ZNF304: variants seen among roughly 807,000 people sequenced by gnomAD.
The protein encoded by ZNF304 is KRAB-containing zinc finger protein.
In ZNF304, 7 loss-of-function variants were observed where a neutral mutation model predicts 7.8. That is an observed-to-expected ratio of 0.90 (90% confidence interval 0.51 to 1.69). ZNF304 has a LOEUF of 1.69. Ranked by LOEUF, ZNF304 falls within the 40% of genes most tolerant of loss-of-function variation. The probability of loss-of-function intolerance (pLI) is 0.00; values close to 1 mark genes in which losing one functional copy is unlikely to be tolerated. For missense variants in ZNF304, 669 were observed against 804.8 expected, an observed-to-expected ratio of 0.83 and a Z score of 2.04; for synonymous variants, 280 against 272.4, an observed-to-expected ratio of 1.03 and a Z score of -0.27.
Position 57,355,357 on chromosome 19 carries a change from A to T in ZNF304, c.161-673A>T, listed in dbSNP as rs754587594. On this transcript the variant is annotated intron_variant, in intron 2 of 2. Coordinates refer to ENST00000282286, the MANE Select transcript of ZNF304 (RefSeq NM_020657.4). Reference sequence around the variant, plus strand: ...TGACAGGGCAGACATCACTGCAGCCACAGTAAAGGAGACCTACAGAGGGCA... The same window carrying T: ...TGACAGGGCAGACATCACTGCAGCCTCAGTAAAGGAGACCTACAGAGGGCA... 12 of 765,350 alleles carry T rather than the reference A, an allele frequency of 1.6e-5. No individual in the cohort carries two copies. The South Asian group carries it at 1.6e-4, about 10-fold the overall frequency. 47.4% of individuals were successfully genotyped at this position (765,350 alleles called of 1,614,324 possible).
At position 57,359,199 on chromosome 19, in the gene ZNF304, G is replaced by C. The variant is rs2088390396; in HGVS notation, c.*1350G>C. On this transcript the variant is annotated 3_prime_UTR_variant, in exon 3 of 3. Transcript: ENST00000282286. ...TCTCCCTGGGCAGTTGACCTGCACAGACAGGAACCTCAGCAGTGACAGAAG... is the reference window on the plus strand; with the variant it reads ...TCTCCCTGGGCAGTTGACCTGCACACACAGGAACCTCAGCAGTGACAGAAG... 6.6e-6 allele frequency: 1 copy of C among 152,214 alleles called. No homozygotes were observed. The highest frequency in any genetic ancestry group is 2.4e-5 in the African/African-American group (1 of 41,458). 9.4% of individuals were successfully genotyped at this position (152,214 alleles called of 1,614,324 possible).
rs2088370169 is a variant in ZNF304, at chr19:57,357,940, T to A, written c.*91T>A. The A allele has an allele frequency of 6.8e-7, 1 of 1,465,318 alleles. No individual in the cohort carries two copies. Among genetic ancestry groups the A allele is most frequent in the Non-Finnish European group, 9.1e-7 (1 of 1,093,704 alleles). 90.8% of individuals were successfully genotyped at this position (1,465,318 alleles called of 1,614,324 possible). A position where few individuals can be genotyped will look rare whatever the true frequency, so the allele number is the denominator to read the frequency against. On this transcript the variant is annotated 3_prime_UTR_variant, in exon 3 of 3. Coordinates refer to ENST00000282286, the MANE Select transcript of ZNF304 (RefSeq NM_020657.4). Reference sequence around the variant, plus strand: ...CATAGGACTCACACCAGAGCAATGCTCTGTGAGTACCCTTTGTGAGGGAAC... The same window carrying A: ...CATAGGACTCACACCAGAGCAATGCACTGTGAGTACCCTTTGTGAGGGAAC...
chr19:57,357,468 C>T lies in ZNF304; in HGVS notation c.1599C>T (p.Cys533=). ...RIHTGAKPYE[C]NECGKCFSHN... is the part of the protein sequence containing the mutation. ...ACACTGGAGCAAAGCCTTATGAGTG[C>T]AATGAATGTGGGAAATGCTTTAGCC... The change falls in exon 3 of 3, where the codon TGC becomes TGT. Residue 533 remains cysteine, a synonymous_variant. Coordinates refer to ENST00000282286, the MANE Select transcript of ZNF304 (RefSeq NM_020657.4). 6.2e-7 allele frequency: 1 copy of T among 1,614,064 alleles called. No homozygotes were observed. Among genetic ancestry groups the T allele is most frequent in the Non-Finnish European group, 8.5e-7 (1 of 1,179,960 alleles).
At position 57,357,903 on chromosome 19, in the gene ZNF304, C is replaced by T; in HGVS notation, c.*54C>T. 3 of 1,537,710 alleles carry T rather than the reference C, an allele frequency of 2.0e-6. No individual in the cohort carries two copies. The highest frequency in any genetic ancestry group is 2.6e-6 in the Non-Finnish European group (3 of 1,147,140). The stretch of plus-strand genomic sequence containing the variant: ...CTTATGAATGCAGAAAATATGTCAT[C>T]TTGTTCATCCTCATAGGACTCACAC... On this transcript the variant is annotated 3_prime_UTR_variant, in exon 3 of 3. Transcript: ENST00000282286.
rs148833230 is a variant in ZNF304, at chr19:57,356,988, C to T, written c.1119C>T (p.Ser373=). 7.8e-3 allele frequency: 12,483 copies of T among 1,606,054 alleles called. 82 individuals are homozygous for T. Among genetic ancestry groups the T allele is most frequent in the Middle Eastern group, 0.039 (237 of 6,040 alleles). Residue 373 remains serine, a synonymous_variant, in exon 3 of 3, where the codon AGC becomes AGT. Transcript: ENST00000282286. ...YKCNKCGKAF[S]RKDTLVQHQR... ...GCAACAAATGTGGGAAAGCCTTTAG[C>T]CGTAAAGACACACTTGTTCAGCACC...
rs1437269783 is a variant in ZNF304 at position 57,357,336 on chromosome 19, A to G, written c.1467A>G (p.Thr489=). The change falls in exon 3 of 3, where the codon ACA becomes ACG. Residue 489 remains threonine, a synonymous_variant. Coordinates refer to ENST00000282286, the MANE Select transcript of ZNF304 (RefSeq NM_020657.4). ...ECGKAFSRKD[T]LVQHQKIHTG... is the part of the protein sequence containing the mutation. ...GGAAGGCCTTCAGCCGTAAAGACAC[A>G]CTTGTGCAACACCAAAAAATCCACA... 6.2e-7 allele frequency: 1 copy of G among 1,608,248 alleles called. No homozygotes were observed. Among genetic ancestry groups the G allele is most frequent in the East Asian group, 2.2e-5 (1 of 44,590 alleles).
intron 2 of ZNF304, 132 bp downstream of exon 2, chr19:57,353,983 T>C (rs528914152): frequency 2.3e-5 from 18 of 785,292 alleles, no homozygotes; most frequent in Non-Finnish European, 3.3e-5. Context: ...TTTTTGTTGT[T>C]TATTATTTTG....
At chr19:57,355,414 A>T (rs1312313655) in intron 2 of ZNF304, 3 of 761,948 alleles carry the variant, frequency 3.9e-6, no homozygotes, top group Non-Finnish European at 4.8e-6. Context: ...GGAAGAGGGT[A>T]TCTGTTATGG....
In ZNF304 at chr19:57,356,324, C is replaced by T; in HGVS notation, c.455C>T (p.Ala152Val). 2 of 1,614,142 alleles carry T rather than the reference C, an allele frequency of 1.2e-6. No individual in the cohort carries two copies. Among genetic ancestry groups the T allele is most frequent in the Non-Finnish European group, 1.7e-6 (2 of 1,180,028 alleles). Residue 152 changes from alanine (A) to valine (V), a missense_variant, in exon 3 of 3, where the codon GCC becomes GTC. Physicochemically the swap from Ala to Val is moderately conservative, Grantham distance 64. Transcript: ENST00000282286. ...ENCFRGDDGGASFVKSCTVHM... is the reference protein window; with the variant it reads ...ENCFRGDDGGVSFVKSCTVHM... ...TGCTTCAGAGGGGATGATGGAGGGG[C>T]CTCATTTGTGAAGAGCTGTACAGTC...
chr19:57,355,437 C>G (rs765287101), intron 2 of ZNF304: 1 of 735,294 alleles, frequency 1.4e-6, no homozygotes, highest in Non-Finnish European at 2.5e-6. Context: ...GGGTTCAAAT[C>G]GAACCTTCAA....
chr19:57,354,407 T>A (rs1218785863), intron 2 of ZNF304, among the ~76,000 whole-genome samples: 1 of 152,222 alleles, frequency 6.6e-6, no homozygotes, highest in Middle Eastern at 3.2e-3. Context: ...ACTTACAAGC[T>A]CACTCACATT....
chr19:57,354,723 C>G (rs2088314687), intron 2 of ZNF304, among the ~76,000 whole-genome samples: 1 of 152,172 alleles, frequency 6.6e-6, no homozygotes, highest in Non-Finnish European at 1.5e-5. Context: ...AGGTAGGGAT[C>G]ACTGGGACCA....
Position 57,357,090 on chromosome 19 carries a change from T to G in ZNF304, c.1221T>G (p.Ile407Met). 1.9e-6 allele frequency: 3 copies of G among 1,612,444 alleles called. No individual in the cohort carries two copies. Among genetic ancestry groups the G allele is most frequent in the Non-Finnish European group, 2.5e-6 (3 of 1,179,286 alleles). The change falls in exon 3 of 3, where the codon ATT (isoleucine) becomes ATG (methionine). Residue 407 changes from isoleucine to methionine, a missense_variant. Transcript: ENST00000282286. ...GKFFSQSSHL[I>M]EHWRIHTGAR... ...TCTTTAGCCAAAGCTCCCACCTTAT[T>G]GAGCACTGGAGAATTCATACCGGGG...
chr19:57,351,598 G>T lies in ZNF304; in HGVS notation c.-67G>T, dbSNP rs906934675. 3.8e-6 allele frequency: 6 copies of T among 1,596,598 alleles called. No homozygotes were observed. The highest frequency in any genetic ancestry group is 1.7e-4 in the Middle Eastern group (1 of 6,042). ...GGAGTGCTACACTCAGCCCGAGGGC[G>T]TCCAGCGCGGTGGAGGCGTGGGGTT... On this transcript the variant is annotated 5_prime_UTR_variant, in exon 1 of 3. Transcript: ENST00000282286. The surrounding 1 kb of genome is among the most constrained non-coding windows in gnomAD (Gnocchi z 4.1).
rs1288256757 is a variant in ZNF304, at chr19:57,359,826, A to G, written c.*1977A>G. 6.6e-6 allele frequency: 1 copy of G among 152,176 alleles called. No homozygotes were observed. Among genetic ancestry groups the G allele is most frequent in the Non-Finnish European group, 1.5e-5 (1 of 68,028 alleles). The allele number at this position is 152,176 out of a possible 1,614,324, so 9.4% of individuals were successfully genotyped here. A position where few individuals can be genotyped will look rare whatever the true frequency, so the allele number is the denominator to read the frequency against. The stretch of plus-strand genomic sequence containing the variant: ...CACAATTTTTCTTCTTTGTCAACTT[A>G]ATTGTTATGGATGTTTGGGTAACTT... On this transcript the variant is annotated 3_prime_UTR_variant, in exon 3 of 3. Transcript: ENST00000282286.
rs2122992965 is a variant in ZNF304, at chr19:57,358,342, A to G, written c.*493A>G. 1 of 149,994 alleles carries G rather than the reference A, an allele frequency of 6.7e-6. No homozygotes were observed. Among genetic ancestry groups the G allele is most frequent in the East Asian group, 2.0e-4 (1 of 4,906 alleles). 9.3% of individuals were successfully genotyped at this position (149,994 alleles called of 1,614,324 possible). Reference sequence around the variant, plus strand: ...AGCTCTCACCAAAAGGACCTGAGCTAGGGTCTGCTGGGATTTCCTGACACG... The same window carrying G: ...AGCTCTCACCAAAAGGACCTGAGCTGGGGTCTGCTGGGATTTCCTGACACG... On this transcript the variant is annotated 3_prime_UTR_variant, in exon 3 of 3. Transcript: ENST00000282286.
In ZNF304 at chr19:57,357,437, G is replaced by T; in HGVS notation, c.1568G>T (p.Arg523Ile). ...SHSSNLIVHQ[R>I]IHTGAKPYEC... is the part of the protein sequence containing the mutation. ...AGCTCCAACCTTATTGTACACCAGAGAATTCACACTGGAGCAAAGCCTTAT... is the reference window on the plus strand; with the variant it reads ...AGCTCCAACCTTATTGTACACCAGATAATTCACACTGGAGCAAAGCCTTAT... The change falls in exon 3 of 3, where the codon AGA (arginine) becomes ATA (isoleucine). Residue 523 changes from arginine to isoleucine, a missense_variant. Physicochemically the swap from Arg to Ile is moderately conservative, Grantham distance 97. Transcript: ENST00000282286. The T allele has an allele frequency of 1.9e-6, 3 of 1,613,918 alleles. No individual in the cohort carries two copies. Among genetic ancestry groups the T allele is most frequent in the East Asian group, 2.2e-5 (1 of 44,868 alleles).
At position 57,357,722 on chromosome 19, in the gene ZNF304, G is replaced by A. The variant is rs766734849; in HGVS notation, c.1853G>A (p.Ser618Asn). The A allele has an allele frequency of 6.2e-7, 1 of 1,614,236 alleles. No individual in the cohort carries two copies. The highest frequency in any genetic ancestry group is 8.5e-7 in the Non-Finnish European group (1 of 1,180,038). Reference sequence around the variant, plus strand: ...ACTGGAGAAAAGCCTTACGTATGCAGCGAATGTGGGAAAGCCTATAGCAGA... The same window carrying A: ...ACTGGAGAAAAGCCTTACGTATGCAACGAATGTGGGAAAGCCTATAGCAGA... ...VHTGEKPYVCSECGKAYSRSS... is the reference protein window; with the variant it reads ...VHTGEKPYVCNECGKAYSRSS... Residue 618 changes from serine to asparagine, a missense_variant, in exon 3 of 3, where the codon AGC becomes AAC. Transcript: ENST00000282286.
intron 1 of ZNF304, among the ~76,000 whole-genome samples, chr19:57,352,207 T>G (rs182243740): frequency 3.5e-4 from 53 of 152,164 alleles, no homozygotes; most frequent in African/African-American, 1.3e-3. Context: ...ATGTATGGGT[T>G]TTGGGTTTTG....
Sources: allele counts gnomAD v4.1 joint callset (sites outside exome capture counted in the v4.1 genomes callset), GRCh38; gene constraint gnomAD v4.1.1; non-coding constraint Gnocchi (gnomAD v3.1); transcripts MANE v1.5; gene names NCBI Gene and HGNC (gene_info 2026-07-23, HGNC 2026-07-21).